The following GFRA1 variants were observed in gnomAD, a reference collection of about 807,000 sequenced individuals.
GFRA1 encodes the protein GDNF family receptor alpha 1.
In GFRA1, 16 loss-of-function variants were observed where a neutral mutation model predicts 51.6. That is an observed-to-expected ratio of 0.31 (90% CI 0.21 to 0.47). The LOEUF (loss-of-function observed/expected upper bound fraction) is 0.47. GFRA1 is among the 20% of genes least tolerant of loss of function. The pLI is 1.00. For missense variants in GFRA1, 530 were observed against 594.3 expected, an observed-to-expected ratio of 0.89 and a Z score of 1.13; for synonymous variants, 270 against 241.3, an observed-to-expected ratio of 1.12 and a Z score of -1.10.
chr10:116,258,139 A>C (rs1161148389), intron 4 of GFRA1, among the ~76,000 whole-genome samples: 1 of 152,000 alleles, frequency 6.6e-6, no homozygotes, highest in African/African-American at 2.4e-5. Flanking sequence ...TCTATCTCTA[A>C]AGCAAAAAAG....
rs1294034271 is a variant in GFRA1 at position 116,273,193 on chromosome 10, C to A, written c.-277G>T. 3 of 152,282 alleles carry A rather than the reference C, an allele frequency of 2.0e-5. No homozygotes were observed. The East Asian group carries it at 5.8e-4, about 29-fold the overall frequency. 9.4% of individuals were successfully genotyped at this position (152,282 alleles called of 1,614,324 possible). Reference sequence around the variant, plus strand: ...CTCAACCGACCGCGTCCAGCTGCGGCGAGGAGCCAGTTTGTTTATTTACTT... The same window carrying A: ...CTCAACCGACCGCGTCCAGCTGCGGAGAGGAGCCAGTTTGTTTATTTACTT... On this transcript the variant is annotated 5_prime_UTR_variant, in exon 1 of 11. Transcript: ENST00000355422.
chr10:116,146,775 G>T (rs76745310), intron 5 of GFRA1, among the ~76,000 whole-genome samples: 1 of 152,192 alleles, frequency 6.6e-6, no homozygotes, highest in African/African-American at 2.4e-5. Context: ...GGACAGAAGG[G>T]AACGTGGAGG....
intron 6 of GFRA1, among the ~76,000 whole-genome samples, chr10:116,102,779 A>AATT (rs1181479197): frequency 6.6e-6 from 1 of 152,146 alleles, no homozygotes; most frequent in African/African-American, 2.4e-5. Flanking sequence ...AACACATGGG[A>AATT]ATTATGGAAG....
chr10:116,096,867 C>G, intron 6 of GFRA1, 103 bp from the exon 7 acceptor site: 1 of 625,348 alleles, frequency 1.6e-6, no homozygotes, highest in Non-Finnish European at 2.9e-6. Flanking sequence ...ATGCCTTTTT[C>G]TGCACACGCA....
chr10:116,171,107 G>A (rs1960979744), intron 5 of GFRA1, among the ~76,000 whole-genome samples: 1 of 152,188 alleles, frequency 6.6e-6, no homozygotes, highest in African/African-American at 2.4e-5. Flanking sequence ...TGAATCACAG[G>A]CTTTACTAAT....
rs1189683276 is a variant in GFRA1, at chr10:116,058,233, C to T, written c.*6165G>A. Reference sequence around the variant, plus strand: ...TTTTCTAATTCTTCTTCCTACTTCACTCTAGTCTTAGGATCTGTGTTATGC... The same window carrying T: ...TTTTCTAATTCTTCTTCCTACTTCATTCTAGTCTTAGGATCTGTGTTATGC... On this transcript the variant is annotated 3_prime_UTR_variant, in exon 11 of 11. Transcript: ENST00000355422. 6.6e-6 allele frequency: 1 copy of T among 152,288 alleles called. No homozygotes were observed. The highest frequency in any genetic ancestry group is 2.4e-5 in the African/African-American group (1 of 41,458). The allele number at this position is 152,288 out of a possible 1,614,324, so 9.4% of individuals were successfully genotyped here.
At position 116,271,997 on chromosome 10, in the gene GFRA1, C is replaced by T. The variant is rs1274678090; in HGVS notation, c.33G>A (p.Pro11=). ...CGGCGGGCCTCGACTTACCCAAGAG[C>T]GGCAGCGCGAAGTACAGGGTCGCCA... MFLATLYFAL[P]LLDLLLSAEV... Residue 11 remains proline (P), a synonymous_variant, in exon 2 of 11, where the codon CCG becomes CCA. Transcript: ENST00000355422. 3 of 1,556,738 alleles carry T rather than the reference C, an allele frequency of 1.9e-6. No homozygotes were observed. The highest frequency in any genetic ancestry group is 1.9e-5 in the Admixed American group (1 of 52,272).
At chr10:116,238,054 C>G (rs1454590522) in intron 4 of GFRA1, among the ~76,000 whole-genome samples, 1 of 152,136 alleles carries the variant, frequency 6.6e-6, no homozygotes, top group Non-Finnish European at 1.5e-5. Flanking sequence ...CCAAATGCGC[C>G]GTAAAGCTGA....
At chr10:116,222,754 T>C (rs1966014339) in intron 4 of GFRA1, among the ~76,000 whole-genome samples, 1 of 152,228 alleles carries the variant, frequency 6.6e-6, no homozygotes, top group African/African-American at 2.4e-5. Context: ...TTTGGCATGC[T>C]GGCAACTGTG....
At chr10:116,232,113 T>A (rs919028838) in intron 4 of GFRA1, among the ~76,000 whole-genome samples, 1 of 152,234 alleles carries the variant, frequency 6.6e-6, no homozygotes, top group African/African-American at 2.4e-5. Flanking sequence ...GGTGAGAGTT[T>A]CAGGTAAGAG....
chr10:116,139,807 G>A (rs1209829021), intron 5 of GFRA1, among the ~76,000 whole-genome samples: 2 of 152,202 alleles, frequency 1.3e-5, no homozygotes, highest in Non-Finnish European at 2.9e-5. Flanking sequence ...CTGCTCCATC[G>A]GAGCACAGCC....
chr10:116,215,464 C>T (rs1442282973), intron 4 of GFRA1, among the ~76,000 whole-genome samples: 1 of 152,166 alleles, frequency 6.6e-6, no homozygotes, highest in African/African-American at 2.4e-5. Context: ...TTCAATCTAA[C>T]CAACCACAAA....
chr10:116,076,402 A>T (rs1266338472), intron 9 of GFRA1, among the ~76,000 whole-genome samples: 1 of 152,128 alleles, frequency 6.6e-6, no homozygotes, highest in African/African-American at 2.4e-5. Flanking sequence ...GCTGACAAAG[A>T]TGGGTCAGAC....
rs56263127 is a variant in GFRA1, at chr10:116,057,990, TTGTGTGTGTG to T, written c.*6398_*6407del. 0.035 allele frequency: 4,456 copies of T among 129,080 alleles called. 99 individuals are homozygous for T. Among genetic ancestry groups the T allele is most frequent in the Non-Finnish European group, 0.037 (2,288 of 62,272 alleles). 8.0% of individuals were successfully genotyped at this position (129,080 alleles called of 1,614,324 possible). A position where few individuals can be genotyped will look rare whatever the true frequency, so the allele number is the denominator to read the frequency against. On this transcript the variant is annotated 3_prime_UTR_variant, in exon 11 of 11. Coordinates refer to ENST00000355422, the MANE Select transcript of GFRA1 (RefSeq NM_005264.8). ...GCTGGATCATATAGCCCTCCAATCA[TTGTGTGTGTG>T]TGTGTGTGTGTGTGTGTGTGTGTGT...
intron 4 of GFRA1, among the ~76,000 whole-genome samples, chr10:116,216,205 T>C (rs1322231431): frequency 1.3e-5 from 2 of 152,206 alleles, no homozygotes; most frequent in African/African-American, 2.4e-5. Flanking sequence ...ATGTTGCTGA[T>C]TAAACTTTCT....
chr10:116,084,439 TTTA>T (rs1242624633), intron 9 of GFRA1, among the ~76,000 whole-genome samples: 5 of 152,166 alleles, frequency 3.3e-5, no homozygotes, highest in African/African-American at 1.2e-4. Flanking sequence ...GCTTGTGCTG[TTTA>T]CTGGAGCCTG....
chr10:116,190,982 G>A (rs898454427), intron 5 of GFRA1, among the ~76,000 whole-genome samples: 3 of 152,220 alleles, frequency 2.0e-5, no homozygotes, highest in Non-Finnish European at 4.4e-5. Context: ...GAATCCGAGG[G>A]GAGGGGAGCA....
intron 5 of GFRA1, among the ~76,000 whole-genome samples, chr10:116,171,765 G>A (rs574264819): frequency 1.3e-5 from 2 of 152,310 alleles, no homozygotes; most frequent in South Asian, 4.1e-4. Context: ...TCAGATCAAG[G>A]AGTCATCGGT....
intron 8 of GFRA1, among the ~76,000 whole-genome samples, chr10:116,092,695 G>A (rs1260451292): frequency 6.6e-6 from 1 of 152,160 alleles, no homozygotes; most frequent in East Asian, 1.9e-4. Context: ...TGGCATGCGA[G>A]GCTTATGTGA....
Sources: gnomAD v4.1 joint callset for allele counts (sites outside exome capture counted in the v4.1 genomes callset) on GRCh38, gnomAD v4.1.1 for gene constraint, MANE v1.5 for transcripts, NCBI Gene and HGNC (gene_info 2026-07-23, HGNC 2026-07-21) for gene names.